NTN1: variants seen among roughly 807,000 people sequenced by gnomAD.
The protein encoded by NTN1 is netrin-1.
In NTN1, 11 loss-of-function variants were observed where a neutral mutation model predicts 54.2. The observed-to-expected ratio is 0.20, with a 90% CI of 0.13 to 0.34. The LOEUF (loss-of-function observed/expected upper bound fraction) is 0.34, where lower values mean the gene tolerates loss of function less well. NTN1 is among the 10% of genes least tolerant of loss of function. The pLI, the probability that NTN1 is intolerant of heterozygous loss-of-function variation, is 1.00. For synonymous variants in NTN1, 371 were observed against 382.0 expected, an observed-to-expected ratio of 0.97 and a Z score of 0.33; for missense variants, 740 against 893.1, an observed-to-expected ratio of 0.83 and a Z score of 2.18.
At chr17:9,143,755 A>G (rs2142282429) in intron 2 of NTN1, among the ~76,000 whole-genome samples, 1 of 152,332 alleles carries the variant, frequency 6.6e-6, no homozygotes, top group African/African-American at 2.4e-5. Flanking sequence ...ATGCTGGAAC[A>G]GTCTGTCTTA....
intron 5 of NTN1, among the ~76,000 whole-genome samples, chr17:9,207,042 C>T (rs1171781351): frequency 6.6e-6 from 1 of 152,148 alleles, no homozygotes; most frequent in Non-Finnish European, 1.5e-5. Context: ...CTGAGGGTCA[C>T]TTTGTCTGCC....
At chr17:9,182,892 G>A (rs911043347) in intron 4 of NTN1, 24 bp from the exon 5 acceptor site, 12 of 1,613,030 alleles carry the variant, frequency 7.4e-6, no homozygotes, top group Middle Eastern at 1.6e-4. Context: ...TCCTCCCCTC[G>A]CCCCCGTCTT....
chr17:9,146,235 C>A (rs1238299722), intron 2 of NTN1, among the ~76,000 whole-genome samples: 2 of 152,176 alleles, frequency 1.3e-5, no homozygotes, highest in Non-Finnish European at 2.9e-5. Context: ...AGGCTTGAAG[C>A]ATAATGACCC....
At chr17:9,206,696 A>G (rs1465563260) in intron 5 of NTN1, among the ~76,000 whole-genome samples, 2 of 152,202 alleles carry the variant, frequency 1.3e-5, no homozygotes, top group Non-Finnish European at 2.9e-5. Context: ...CTCCTGTGAG[A>G]GCTGCCCTCA....
intron 3 of NTN1, among the ~76,000 whole-genome samples, chr17:9,163,452 C>T (rs1281999200): frequency 7.1e-6 from 1 of 141,178 alleles, no homozygotes. Context: ...TGGATATGTG[C>T]GCACCGCCCC....
chr17:9,145,322 A>C (rs1452206991), intron 2 of NTN1, among the ~76,000 whole-genome samples: 1 of 152,218 alleles, frequency 6.6e-6, no homozygotes, highest in African/African-American at 2.4e-5. Context: ...TAGGGTAAGA[A>C]AAAACATTTT....
At chr17:9,162,705 G>A in intron 2 of NTN1, 108 bp from the exon 3 acceptor site, 1 of 1,037,766 alleles carries the variant, frequency 9.6e-7, no homozygotes, top group South Asian at 1.5e-5. Context: ...GCCTGGCTCT[G>A]CTAGTGGAGA....
In NTN1 at chr17:9,179,910, C is replaced by T. The variant is rs145337237; in HGVS notation, c.1311C>T (p.Cys437=). ...DGVTGITCNR[C]AKGYQQSRSP... ...TGACGGGTATCACCTGCAACCGCTG[C>T]GCCAAAGGCTACCAGCAGAGCCGCT... The change falls in exon 4 of 7, where the codon TGC becomes TGT. Residue 437 remains cysteine (C), a synonymous_variant. Coordinates refer to ENST00000173229, the MANE Select transcript of NTN1 (RefSeq NM_004822.3). 31 of 1,613,908 alleles carry T rather than the reference C, an allele frequency of 1.9e-5. No homozygotes were observed. The African/African-American group carries it at 2.0e-4, about 10-fold the overall frequency.
intron 2 of NTN1, among the ~76,000 whole-genome samples, chr17:9,060,641 T>C (rs1426218597): frequency 6.6e-6 from 1 of 152,286 alleles, no homozygotes; most frequent in East Asian, 1.9e-4. Context: ...GGACTCATAA[T>C]ATCTGTTTTG....
intron 3 of NTN1, among the ~76,000 whole-genome samples, chr17:9,169,444 C>T (rs771583978): frequency 7.9e-5 from 12 of 152,362 alleles, no homozygotes; most frequent in Non-Finnish European, 1.0e-4. Flanking sequence ...CTGTGCCAAA[C>T]GGGGTCTCCC....
At chr17:9,128,300 ACT>A (rs1465474511) in intron 2 of NTN1, among the ~76,000 whole-genome samples, 2 of 119,674 alleles carry the variant, frequency 1.7e-5, no homozygotes, top group Non-Finnish European at 3.4e-5. Context: ...ACACAGTGAG[ACT>A]CTGTCTCAAA....
At chr17:9,003,859 G>A in the NTN1 span, among the ~76,000 whole-genome samples, 2 of 151,792 alleles carry the variant, frequency 1.3e-5, no homozygotes, top group African/African-American at 4.8e-5. This position sits in a 1 kb window ranked among gnomAD's most constrained non-coding sequence, Gnocchi z 7.4. Context: ...CGCTCAAAGG[G>A]GCTGTCACTC....
At chr17:9,123,235 CA>C in intron 2 of NTN1, among the ~76,000 whole-genome samples, 1 of 152,188 alleles carries the variant, frequency 6.6e-6, no homozygotes, top group East Asian at 1.9e-4. Context: ...ACTTGGAAGA[CA>C]AAAAGTGATA....
intron 2 of NTN1, among the ~76,000 whole-genome samples, chr17:9,075,744 C>T (rs926049104): frequency 1.3e-5 from 2 of 152,166 alleles, no homozygotes; most frequent in Non-Finnish European, 2.9e-5. Context: ...GCTCTGCAGC[C>T]CCCGGAGGTG....
intron 5 of NTN1, among the ~76,000 whole-genome samples, chr17:9,205,666 G>A (rs1420279541): frequency 6.6e-6 from 1 of 152,192 alleles, no homozygotes; most frequent in Non-Finnish European, 1.5e-5. Flanking sequence ...GCGATGGGGG[G>A]AGGTTAAGGG....
intron 2 of NTN1, among the ~76,000 whole-genome samples, chr17:9,140,240 A>T (rs1407998084): frequency 6.6e-6 from 1 of 152,116 alleles, no homozygotes; most frequent in Non-Finnish European, 1.5e-5. Context: ...CCACCAGGAA[A>T]GGTGGAGGTC....
chr17:9,061,692 T>C (rs752400818), intron 2 of NTN1, among the ~76,000 whole-genome samples: 2 of 151,978 alleles, frequency 1.3e-5, no homozygotes, highest in African/African-American at 2.4e-5. Flanking sequence ...GTTGTTGTTT[T>C]TGTTTTATTT....
intron 2 of NTN1, among the ~76,000 whole-genome samples, chr17:9,050,348 G>A (rs1375541364): frequency 1.3e-5 from 2 of 151,794 alleles, no homozygotes; most frequent in Admixed American, 6.6e-5. Context: ...TATTGGTGTA[G>A]AAGGAACTTG....
At chr17:9,014,538 C>G in the NTN1 span, among the ~76,000 whole-genome samples, 3 of 152,160 alleles carry the variant, frequency 2.0e-5, no homozygotes. Context: ...AAGCAACTTG[C>G]CCAGAGTCAC....
Sources: allele counts gnomAD v4.1 joint callset (sites outside exome capture counted in the v4.1 genomes callset), GRCh38; gene constraint gnomAD v4.1.1; non-coding constraint Gnocchi (gnomAD v3.1); transcripts MANE v1.5; gene names NCBI Gene and HGNC (gene_info 2026-07-23, HGNC 2026-07-21).